ADCY5: variants seen among roughly 807,000 people sequenced by gnomAD.
ADCY5 encodes the protein adenylate cyclase 5.
ADCY5 carries 30 observed loss-of-function variants against 119.7 expected under a neutral mutation model. That is an observed-to-expected ratio of 0.25 (90% CI 0.19 to 0.34). ADCY5 has a LOEUF of 0.34. ADCY5 is among the 10% of genes least tolerant of loss of function. The probability of loss-of-function intolerance (pLI) is 1.00; values close to 1 mark genes in which losing one functional copy is unlikely to be tolerated. For missense variants in ADCY5, 1,324 were observed against 1,775.2 expected (o/e 0.75, Z 4.57); for synonymous variants, 753 against 762.2 (o/e 0.99, Z 0.20).
At chr3:123,309,751 G>A (rs1206795101) in intron 12 of ADCY5, among the ~76,000 whole-genome samples, 1 of 152,138 alleles carries the variant, frequency 6.6e-6, no homozygotes, top group East Asian at 1.9e-4. Flanking sequence ...ACAGGAATGT[G>A]TCCCCTGAGC....
chr3:123,302,961 C>T, intron 14 of ADCY5, 94 bp downstream of exon 14: 5 of 1,449,986 alleles, frequency 3.4e-6, no homozygotes, highest in Non-Finnish European at 4.7e-6. Context: ...CTGGTGAGAC[C>T]CTGTCCTTCA....
At chr3:123,318,267 A>G (rs1416431641) in intron 10 of ADCY5, 150 bp from the exon 11 acceptor site, 3 of 610,018 alleles carry the variant, frequency 4.9e-6, no homozygotes, top group Non-Finnish European at 8.9e-6. Context: ...AACCAGAGTC[A>G]AACTTAGACC....
chr3:123,286,249 G>A lies in ADCY5; in HGVS notation c.3657+436C>T, dbSNP rs1169840870. 6.6e-6 allele frequency among the ~76,000 whole-genome samples: 1 copy of A among 152,144 alleles called. No individual in the cohort carries two copies. The highest frequency in any genetic ancestry group is 6.5e-5 in the Admixed American group (1 of 15,280). On this transcript the variant is annotated intron_variant, in intron 20 of 20. Coordinates refer to ENST00000462833, the MANE Select transcript of ADCY5 (RefSeq NM_183357.3). This position sits in a 1 kb window ranked among gnomAD's most constrained non-coding sequence, Gnocchi z 4.2. Reference sequence around the variant, plus strand: ...CCCTTGGCTGCTGGGGCTGGGGGAGGTACCATCCCAGGGCCAGCAGCCCCC... The same window carrying A: ...CCCTTGGCTGCTGGGGCTGGGGGAGATACCATCCCAGGGCCAGCAGCCCCC...
At chr3:123,355,371 A>G (rs553409131) in intron 1 of ADCY5, among the ~76,000 whole-genome samples, 11 of 152,210 alleles carry the variant, frequency 7.2e-5, no homozygotes, top group Non-Finnish European at 1.3e-4. Flanking sequence ...CAGGTTTTGC[A>G]TCTGTAGGTT....
intron 1 of ADCY5, chr3:123,419,083 A>G: frequency 3.2e-6 from 3 of 930,562 alleles, no homozygotes; most frequent in Non-Finnish European, 2.6e-6. Flanking sequence ...CCCACAGTAA[A>G]TCTTTCTATA....
In ADCY5 at chr3:123,448,088, G is replaced by A. The variant is rs1363596699; in HGVS notation, c.458C>T (p.Pro153Leu). The stretch of plus-strand genomic sequence containing the variant: ...CTCCAGACCCACCTCCACCGAGCGA[G>A]GGCGCACCTCCGTCCCGCCCGCCGA... ...AASAGGTEVR[P>L]RSVEVGLEER... The change falls in exon 1 of 21, where the codon CCT becomes CTT. Residue 153 changes from proline to leucine, a missense_variant. Transcript: ENST00000462833. 7.4e-6 allele frequency: 9 copies of A among 1,211,696 alleles called. No individual in the cohort carries two copies. The East Asian group carries it at 2.9e-4, about 38-fold the overall frequency. 75.1% of individuals were successfully genotyped at this position (1,211,696 alleles called of 1,614,324 possible). A position where few individuals can be genotyped will look rare whatever the true frequency, so the allele number is the denominator to read the frequency against.
At chr3:123,406,256 G>T (rs370432523) in intron 1 of ADCY5, among the ~76,000 whole-genome samples, 1 of 152,200 alleles carries the variant, frequency 6.6e-6, no homozygotes, top group African/African-American at 2.4e-5. Flanking sequence ...CCGCCTCTCT[G>T]TTCCTTCCCT....
chr3:123,294,346 T>G (rs1939356933), intron 17 of ADCY5, among the ~76,000 whole-genome samples: 1 of 152,072 alleles, frequency 6.6e-6, no homozygotes, highest in African/African-American at 2.4e-5. Flanking sequence ...ATCAGAAAAT[T>G]AGTGGAATAT....
intron 1 of ADCY5, among the ~76,000 whole-genome samples, chr3:123,427,083 T>C (rs1051396503): frequency 1.3e-5 from 2 of 152,122 alleles, no homozygotes; most frequent in Non-Finnish European, 2.9e-5. Flanking sequence ...GTGCCACTGG[T>C]AACCAAGGTA....
Position 123,318,036 on chromosome 3 carries a change from T to C in ADCY5, c.2338A>G (p.Ile780Val). The C allele has an allele frequency of 6.2e-7, 1 of 1,613,658 alleles. No homozygotes were observed. Among genetic ancestry groups the C allele is most frequent in the Non-Finnish European group, 8.5e-7 (1 of 1,179,880 alleles). The change falls in exon 11 of 21, where the codon ATC (isoleucine) becomes GTC (valine). Residue 780 changes from isoleucine (I) to valine (V), a missense_variant. Physicochemically the swap from Ile to Val is conservative, Grantham distance 29. Coordinates refer to ENST00000462833, the MANE Select transcript of ADCY5 (RefSeq NM_183357.3). The stretch of plus-strand genomic sequence containing the variant: ...GATACTCACTGGGGCACGATGGTGA[T>C]CTGGACAAAGCAGATGAAGAGGAAG... ...LVFLFICFVQ[I>V]TIVPHSIFML...
In ADCY5 at chr3:123,284,316, T is replaced by TGCA; in HGVS notation, c.*289_*291dup. 2.6e-6 allele frequency: 1 copy of TGCA among 389,494 alleles called. No individual in the cohort carries two copies. The highest frequency in any genetic ancestry group is 3.1e-5 in the South Asian group (1 of 32,606). 24.1% of individuals were successfully genotyped at this position (389,494 alleles called of 1,614,324 possible). ...CATTCCCACGGCTCCTTTCCACCTG[T>TGCA]GCAGCAGCACCTGTTAGAAAACTCA... On this transcript the variant is annotated 3_prime_UTR_variant, in exon 21 of 21. Transcript: ENST00000462833.
Position 123,331,191 on chromosome 3 carries a change from T to C in ADCY5, c.1519-175A>G, listed in dbSNP as rs372423490. Among the ~76,000 whole-genome samples the C allele has an allele frequency of 2.2e-4, 34 of 152,190 alleles. No homozygotes were observed. In the East Asian group the frequency reaches 2.9e-3, roughly 13 times the overall value. Reference sequence around the variant, plus strand: ...CCTGGGACAGGCTTATCAGGAGACATTGGGGAGGGAGGGATTGTGGGGATG... The same window carrying C: ...CCTGGGACAGGCTTATCAGGAGACACTGGGGAGGGAGGGATTGTGGGGATG... On this transcript the variant is annotated intron_variant, in intron 4 of 20. Transcript: ENST00000462833.
intron 1 of ADCY5, among the ~76,000 whole-genome samples, chr3:123,396,844 CAG>C (rs1029899231): frequency 2.4e-5 from 2 of 85,092 alleles, no homozygotes; most frequent in African/African-American, 1.0e-4. Context: ...GAGAGAGAGA[CAG>C]AGAACCCATA....
intron 17 of ADCY5, among the ~76,000 whole-genome samples, chr3:123,292,788 T>C (rs1939238706): frequency 6.6e-6 from 1 of 152,154 alleles, no homozygotes; most frequent in Non-Finnish European, 1.5e-5. Context: ...CAGTCAGTTA[T>C]TTGCCTCTGA....
rs1370059455 is a variant in ADCY5 at position 123,330,993 on chromosome 3, C to T, written c.1542G>A (p.Lys514=). Residue 514 remains lysine (K), a synonymous_variant, in exon 5 of 21, where the codon AAG becomes AAA. Coordinates refer to ENST00000462833, the MANE Select transcript of ADCY5 (RefSeq NM_183357.3). Reference sequence around the variant, plus strand: ...CGCAGTAATAACAATCCCCAAGGATCTTAATACGTAAACAGTGATTCTCCT... The same window carrying T: ...CGCAGTAATAACAATCCCCAAGGATTTTAATACGTAAACAGTGATTCTCCT... ...LAAENHCLRI[K]ILGDCYYCVS... 3.1e-6 allele frequency: 5 copies of T among 1,613,558 alleles called. No homozygotes were observed. Among genetic ancestry groups the T allele is most frequent in the South Asian group, 1.1e-5 (1 of 91,038 alleles).
At chr3:123,364,086 T>C (rs1461616102) in intron 1 of ADCY5, among the ~76,000 whole-genome samples, 1 of 152,236 alleles carries the variant, frequency 6.6e-6, no homozygotes, top group Non-Finnish European at 1.5e-5. Flanking sequence ...TTCACATGTA[T>C]ACATTTCAAA....
chr3:123,317,750 CA>C lies in ADCY5; in HGVS notation c.2354+269del, dbSNP rs71142731. ...ACGCTGTGTCCCCACCACGCCGACC[CA>C]AAAAAAAAAAAAAAAGAAGCATCTT... On this transcript the variant is annotated intron_variant, in intron 11 of 20. Transcript: ENST00000462833. Among the ~76,000 whole-genome samples, 579 of 133,562 alleles carry C rather than the reference CA, an allele frequency of 4.3e-3. 6 individuals carry two copies. The highest frequency in any genetic ancestry group is 0.012 in the African/African-American group (412 of 35,360). The allele number at this position is 133,562 out of a possible 152,430, so 87.6% of individuals were successfully genotyped here. A position where few individuals can be genotyped will look rare whatever the true frequency, so the allele number is the denominator to read the frequency against.
At chr3:123,392,902 T>C (rs540025987) in intron 1 of ADCY5, among the ~76,000 whole-genome samples, 1 of 152,268 alleles carries the variant, frequency 6.6e-6, no homozygotes, top group East Asian at 1.9e-4. Context: ...GCCACCACTT[T>C]CTTAACTTTC....
chr3:123,442,882 G>A (rs1206052519), intron 1 of ADCY5, among the ~76,000 whole-genome samples: 1 of 152,194 alleles, frequency 6.6e-6, no homozygotes, highest in African/African-American at 2.4e-5. Flanking sequence ...CAGCCTTGAG[G>A]CAAGAGAAGC....
Sources: gnomAD v4.1 joint callset for allele counts (sites outside exome capture counted in the v4.1 genomes callset) on GRCh38, gnomAD v4.1.1 for gene constraint, Gnocchi (gnomAD v3.1) non-coding constraint, MANE v1.5 for transcripts, NCBI Gene and HGNC (gene_info 2026-07-23, HGNC 2026-07-21) for gene names.